SMARCC1: variants seen among roughly 807,000 people sequenced by gnomAD.
SMARCC1 encodes the protein SWI/SNF related BAF chromatin remodeling complex subunit C1.
Under a neutral mutation model 147.4 loss-of-function variants are expected in SMARCC1, and 43 were observed. The ratio of observed to expected loss-of-function variants is 0.29; its 90% CI spans 0.23 to 0.38. The LOEUF (loss-of-function observed/expected upper bound fraction) is 0.38, where lower values mean the gene tolerates loss of function less well. Ranked by LOEUF, SMARCC1 falls within the 10% of genes least tolerant of loss-of-function variation. SMARCC1 has a pLI of 1.00. For synonymous variants in SMARCC1, 495 were observed against 484.4 expected (o/e 1.02, Z -0.29); for missense variants, 1,119 against 1,381.1 (o/e 0.81, Z 3.01).
At chr3:47,772,303 A>G (rs1288529597) in intron 2 of SMARCC1, among the ~76,000 whole-genome samples, 3 of 152,046 alleles carry the variant, frequency 2.0e-5, no homozygotes, top group African/African-American at 7.2e-5. Flanking sequence ...CTGAGGTGGG[A>G]AGATGGCTAG....
intron 3 of SMARCC1, among the ~76,000 whole-genome samples, chr3:47,744,473 T>TA (rs1398672698): frequency 6.6e-6 from 1 of 152,218 alleles, no homozygotes; most frequent in Non-Finnish European, 1.5e-5. Flanking sequence ...ATTTACTATA[T>TA]AAATAATTTA....
intron 5 of SMARCC1, among the ~76,000 whole-genome samples, chr3:47,729,570 G>C (rs2034344396): frequency 6.6e-6 from 1 of 152,146 alleles, no homozygotes; most frequent in Admixed American, 6.6e-5. Flanking sequence ...ATTTTTAGTA[G>C]AGATGGGGTT....
At chr3:47,654,918 A>G (rs952408625) in intron 21 of SMARCC1, among the ~76,000 whole-genome samples, 5 of 152,246 alleles carry the variant, frequency 3.3e-5, no homozygotes, top group Admixed American at 1.3e-4. Flanking sequence ...AAAGTTCAAT[A>G]TAAGTTTTGG....
intron 10 of SMARCC1, among the ~76,000 whole-genome samples, chr3:47,702,415 C>A (rs2033934180): frequency 6.6e-6 from 1 of 152,068 alleles, no homozygotes; most frequent in African/African-American, 2.4e-5. Context: ...ATTGTAAGGA[C>A]TGAAGGTCAG....
At position 47,588,316 on chromosome 3, in the gene SMARCC1, T is replaced by C. The variant is rs752421054; in HGVS notation, c.3221-10A>G. 2 of 1,610,512 alleles carry C rather than the reference T, an allele frequency of 1.2e-6. No individual in the cohort carries two copies. Among genetic ancestry groups the C allele is most frequent in the Admixed American group, 1.7e-5 (1 of 59,888 alleles). ...TGTGGTGGAGGGGGATCTGCAAACA[T>C]ATCCAAGAGTAACTCGTTATTGCTG... On this transcript the variant is annotated splice_polypyrimidine_tract_variant and intron_variant, in intron 27 of 27. Transcript: ENST00000254480.
chr3:47,676,684 T>C lies in SMARCC1; in HGVS notation c.1670A>G (p.Asn557Ser), dbSNP rs1373066550. ...AMGPPPTPHF[N>S]VLADTPSGLV... ...CCCAGAGGGGGTATCAGCTAATACA[T>C]TAAAATGAGGAGTAGGAGGAGGTCC... Residue 557 changes from asparagine to serine, a missense_variant, in exon 17 of 28, where the codon AAT (asparagine) becomes AGT (serine). Asn to Ser is a conservative substitution (Grantham distance 46). Coordinates refer to ENST00000254480, the MANE Select transcript of SMARCC1 (RefSeq NM_003074.4). The C allele has an allele frequency of 6.2e-7, 1 of 1,613,654 alleles. No homozygotes were observed. The highest frequency in any genetic ancestry group is 8.5e-7 in the Non-Finnish European group (1 of 1,179,840).
chr3:47,616,323 T>C (rs1397175299), intron 25 of SMARCC1, among the ~76,000 whole-genome samples: 22 of 152,214 alleles, frequency 1.4e-4, no homozygotes, highest in Admixed American at 1.4e-3. Flanking sequence ...GCTTTTCTCA[T>C]GTCAATTCCC....
chr3:47,722,284 C>T (rs1381253642), intron 6 of SMARCC1, among the ~76,000 whole-genome samples: 1 of 134,282 alleles, frequency 7.4e-6, no homozygotes, highest in Non-Finnish European at 1.6e-5. Flanking sequence ...ACTTTTGATA[C>T]AAATTTTGAT....
intron 8 of SMARCC1, among the ~76,000 whole-genome samples, chr3:47,712,509 G>A (rs1300107861): frequency 6.6e-6 from 1 of 152,104 alleles, no homozygotes; most frequent in African/African-American, 2.4e-5. Flanking sequence ...TGTTAGAGGA[G>A]TATGTGACAG....
intron 2 of SMARCC1, among the ~76,000 whole-genome samples, chr3:47,746,774 A>T (rs1404378654): frequency 7.3e-6 from 1 of 137,804 alleles, no homozygotes; most frequent in Non-Finnish European, 1.5e-5. Flanking sequence ...TTTGTTGCCC[A>T]GGCTGGAGTG....
chr3:47,714,448 A>T lies in SMARCC1; in HGVS notation c.759T>A (p.Ile253=). 1 of 1,595,142 alleles carries T rather than the reference A, an allele frequency of 6.3e-7. No individual in the cohort carries two copies. The highest frequency in any genetic ancestry group is 1.1e-5 in the South Asian group (1 of 90,034). Residue 253 remains isoleucine (I), a synonymous_variant, in exon 8 of 28, where the codon ATT becomes ATA. Coordinates refer to ENST00000254480, the MANE Select transcript of SMARCC1 (RefSeq NM_003074.4). ...WVHSNDVDAE[I]EDPPIPEKPW... is the part of the protein sequence containing the mutation. ...GTTTTTCTGGAATTGGTGGATCTTC[A>T]ATTTCAGCATCAACATCATTACTAT... is the stretch of plus-strand genomic sequence containing the variant.
chr3:47,696,803 A>C (rs1294565717), intron 11 of SMARCC1, among the ~76,000 whole-genome samples: 1 of 152,164 alleles, frequency 6.6e-6, no homozygotes, highest in African/African-American at 2.4e-5. Flanking sequence ...GATTACAGGC[A>C]TGAGCCACCG....
intron 26 of SMARCC1, among the ~76,000 whole-genome samples, chr3:47,595,726 GTTTC>G (rs1025762606): frequency 1.3e-5 from 2 of 149,362 alleles, no homozygotes; most frequent in South Asian, 2.1e-4. Context: ...GCTTATAAAG[GTTTC>G]TTTTTCTTTT....
chr3:47,610,686 C>A (rs1015940550), intron 25 of SMARCC1: 1 of 263,084 alleles, frequency 3.8e-6, no homozygotes, highest in African/African-American at 2.2e-5. Context: ...TGAGTCTTCC[C>A]CAGGTAAAAC....
At position 47,780,175 on chromosome 3, in the gene SMARCC1, T is replaced by TTG. The variant is rs575839794; in HGVS notation, c.195+1427_195+1428insCA. Among the ~76,000 whole-genome samples the TTG allele has an allele frequency of 3.6e-3, 491 of 136,578 alleles. 2 individuals are homozygous for TTG. Among genetic ancestry groups the TTG allele is most frequent in the Non-Finnish European group, 4.3e-3 (271 of 63,028 alleles). The allele number at this position is 136,578 out of a possible 152,430, so 89.6% of individuals were successfully genotyped here. On this transcript the variant is annotated intron_variant, in intron 1 of 27. Coordinates refer to ENST00000254480, the MANE Select transcript of SMARCC1 (RefSeq NM_003074.4). ...GGTCTTTGGTTTTTTTTTGTTTTTT[T>TTG]TTTTTTTTTTTTTTTGGAGACAGTC...
At chr3:47,712,334 GTTAA>G (rs1041962593) in intron 8 of SMARCC1, among the ~76,000 whole-genome samples, 3 of 151,948 alleles carry the variant, frequency 2.0e-5, no homozygotes, top group Admixed American at 6.6e-5. Context: ...AAATAAAAGG[GTTAA>G]TTAACTGATA....
intron 27 of SMARCC1, among the ~76,000 whole-genome samples, chr3:47,589,034 A>T (rs1461745267): frequency 6.6e-6 from 1 of 152,212 alleles, no homozygotes; most frequent in African/African-American, 2.4e-5. Context: ...AATTGAAAAC[A>T]TATGAAATAA....
chr3:47,650,267 C>T (rs555969325), intron 21 of SMARCC1, among the ~76,000 whole-genome samples: 32 of 138,842 alleles, frequency 2.3e-4, no homozygotes, highest in Admixed American at 8.3e-4. Flanking sequence ...CAGAGCGAGA[C>T]TCTGTTTAAA....
chr3:47,703,868 C>G (rs927550624), intron 10 of SMARCC1, among the ~76,000 whole-genome samples: 19 of 152,184 alleles, frequency 1.2e-4, no homozygotes, highest in African/African-American at 4.6e-4. Flanking sequence ...GCGATCTCAG[C>G]TCACTGCAAG....
Sources: gnomAD v4.1 joint callset for allele counts (sites outside exome capture counted in the v4.1 genomes callset) on GRCh38, gnomAD v4.1.1 for gene constraint, MANE v1.5 for transcripts, NCBI Gene and HGNC (gene_info 2026-07-23, HGNC 2026-07-21) for gene names.